Variants in ASB4 observed in about 807,000 individuals in gnomAD.
ASB4 encodes the protein ankyrin repeat and SOCS box containing 4.
Under a neutral mutation model 38.6 loss-of-function variants are expected in ASB4, and 35 were observed. That is an observed-to-expected ratio of 0.91 (90% CI 0.69 to 1.20). The LOEUF is 1.20. ASB4 is among the 50% of genes most tolerant of loss of function. The pLI, the probability that ASB4 is intolerant of heterozygous loss-of-function variation, is 0.00. For missense variants in ASB4, 557 were observed against 527.2 expected (o/e 1.06, Z -0.55); for synonymous variants, 195 against 201.3 (o/e 0.97, Z 0.26).
chr7:95,498,964 G>C (rs1345387558), intron 2 of ASB4, among the ~76,000 whole-genome samples: 1 of 151,928 alleles, frequency 6.6e-6, no homozygotes, highest in South Asian at 2.1e-4. Context: ...TATATGTATG[G>C]GTTTATTTCT....
chr7:95,516,360 T>TA (rs1562817816), intron 2 of ASB4, among the ~76,000 whole-genome samples: 1 of 152,114 alleles, frequency 6.6e-6, no homozygotes, highest in Non-Finnish European at 1.5e-5. Context: ...ATTAAAAAGA[T>TA]AAAAAATAAA....
chr7:95,533,557 T>A lies in ASB4; in HGVS notation c.979-2880T>A, dbSNP rs146677487. On this transcript the variant is annotated intron_variant, in intron 3 of 4. Transcript: ENST00000325885. ...TATTTAATCTGTCTTCATCTCTTGA[T>A]CTTCATGACCCCCTTGATAATCTCA... Among the ~76,000 whole-genome samples the A allele has an allele frequency of 2.6e-5, 4 of 152,348 alleles. No homozygotes were observed. The East Asian group carries it at 7.7e-4, about 29-fold the overall frequency.
intron 1 of ASB4, among the ~76,000 whole-genome samples, chr7:95,489,791 G>T (rs1489212731): frequency 6.6e-6 from 1 of 152,158 alleles, no homozygotes. Flanking sequence ...CATTAATTAT[G>T]AGCCAACCAC....
At chr7:95,501,451 T>G (rs1327613951) in intron 2 of ASB4, among the ~76,000 whole-genome samples, 1 of 152,238 alleles carries the variant, frequency 6.6e-6, no homozygotes, top group Non-Finnish European at 1.5e-5. Flanking sequence ...ATAGGCCTGC[T>G]GGACAGACGC....
chr7:95,499,298 T>C (rs1381821515), intron 2 of ASB4, among the ~76,000 whole-genome samples: 4 of 152,100 alleles, frequency 2.6e-5, no homozygotes, highest in African/African-American at 9.7e-5. Context: ...GAAAAGTGAA[T>C]CTATGAAAAA....
At chr7:95,483,314 T>G (rs1790039571), upstream of ASB4, among the ~76,000 whole-genome samples, 1 of 152,228 alleles carries the variant, frequency 6.6e-6, no homozygotes, top group Non-Finnish European at 1.5e-5. Flanking sequence ...GACAAAAGTC[T>G]CTTCTAGTTA....
chr7:95,536,587 C>A, intron 4 of ASB4, 37 bp downstream of exon 4: 1 of 1,458,570 alleles, frequency 6.9e-7, no homozygotes, highest in Non-Finnish European at 9.6e-7. Context: ...TTTTCACTAT[C>A]AAGTACTTCC....
At chr7:95,534,825 C>T (rs1311160184) in intron 3 of ASB4, among the ~76,000 whole-genome samples, 1 of 152,164 alleles carries the variant, frequency 6.6e-6, no homozygotes, top group Non-Finnish European at 1.5e-5. Flanking sequence ...GTACTAAACC[C>T]AGTGCTCAAT....
chr7:95,515,213 CTTTCTT>C (rs1455910608), intron 2 of ASB4, among the ~76,000 whole-genome samples: 16 of 123,018 alleles, frequency 1.3e-4, no homozygotes, highest in African/African-American at 5.7e-4. Flanking sequence ...TTCTTTCTTT[CTTTCTT>C]TCTTTCTTTC....
At chr7:95,505,084 T>G (rs980934168) in intron 2 of ASB4, among the ~76,000 whole-genome samples, 4 of 152,228 alleles carry the variant, frequency 2.6e-5, no homozygotes, top group Non-Finnish European at 5.9e-5. Flanking sequence ...TCACAGTCTC[T>G]TCAGCCCTGT....
At chr7:95,500,188 T>A (rs754119158) in intron 2 of ASB4, among the ~76,000 whole-genome samples, 2 of 151,624 alleles carry the variant, frequency 1.3e-5, no homozygotes, top group Non-Finnish European at 2.9e-5. Context: ...TTCATAAGAA[T>A]GGAGAAGGAA....
the ASB4 span, among the ~76,000 whole-genome samples, chr7:95,549,367 A>G: frequency 7.4e-6 from 1 of 134,872 alleles, no homozygotes; most frequent in Non-Finnish European, 1.5e-5. Flanking sequence ...TGCGATCTCC[A>G]CTCACTGCAA....
the ASB4 span, among the ~76,000 whole-genome samples, chr7:95,472,482 G>A: frequency 6.6e-6 from 1 of 152,136 alleles, no homozygotes; most frequent in South Asian, 2.1e-4. Flanking sequence ...ATCTGCCGGG[G>A]GAAACAAGGT....
the ASB4 span, among the ~76,000 whole-genome samples, chr7:95,547,151 A>G: frequency 6.6e-6 from 1 of 152,232 alleles, no homozygotes; most frequent in African/African-American, 2.4e-5. Context: ...GGTAAAATTT[A>G]CCAATAGTGA....
chr7:95,482,207 A>AT (rs943662649), upstream of ASB4, among the ~76,000 whole-genome samples: 15 of 152,176 alleles, frequency 9.9e-5, no homozygotes, highest in African/African-American at 3.1e-4. Context: ...AACTTGATAC[A>AT]TTTTTTAAAT....
At chr7:95,517,328 C>A (rs1441350801) in intron 2 of ASB4, among the ~76,000 whole-genome samples, 1 of 152,092 alleles carries the variant, frequency 6.6e-6, no homozygotes, top group Non-Finnish European at 1.5e-5. Context: ...GCCACCATGC[C>A]AGGTCTAGTT....
upstream of ASB4, among the ~76,000 whole-genome samples, chr7:95,483,041 C>G (rs147439121): frequency 2.2e-3 from 334 of 152,262 alleles, 1 homozygote; most frequent in Non-Finnish European, 4.0e-3. Flanking sequence ...TGTTCTTCAT[C>G]GTCCTTGTCA....
intron 2 of ASB4, among the ~76,000 whole-genome samples, chr7:95,525,126 C>T (rs955479966): frequency 6.6e-6 from 1 of 152,146 alleles, no homozygotes; most frequent in Non-Finnish European, 1.5e-5. Flanking sequence ...GATAGGTCTA[C>T]AAGCCAAGAA....
intron 3 of ASB4, 96 bp from the exon 4 acceptor site, chr7:95,536,341 T>A: frequency 2.8e-6 from 2 of 716,674 alleles, no homozygotes; most frequent in Non-Finnish European, 4.7e-6. Flanking sequence ...CATGCTACCA[T>A]GCCCACTGGT....
Sources: allele counts gnomAD v4.1 joint callset (sites outside exome capture counted in the v4.1 genomes callset), GRCh38; gene constraint gnomAD v4.1.1; transcripts MANE v1.5; gene names NCBI Gene and HGNC (gene_info 2026-07-23, HGNC 2026-07-21).